Variants in ADPGK observed in about 807,000 individuals in gnomAD.
The protein encoded by ADPGK is ADP-dependent glucokinase.
A neutral mutation model predicts 42.4 loss-of-function variants in ADPGK; 26 were observed. The observed-to-expected ratio is 0.61, with a 90% CI of 0.45 to 0.85. ADPGK has a LOEUF of 0.85. Among genes scored for constraint, ADPGK ranks in the 40% least tolerant of loss-of-function variants. ADPGK has a pLI of 0.00. For synonymous variants in ADPGK, 267 were observed against 252.6 expected (o/e 1.06, Z -0.54); for missense variants, 571 against 627.0 (o/e 0.91, Z 0.95).
chr15:72,776,790 GATTCATGTTTTGA>G (rs1431760214), intron 1 of ADPGK, among the ~76,000 whole-genome samples: 1 of 152,130 alleles, frequency 6.6e-6, no homozygotes, highest in Non-Finnish European at 1.5e-5. Flanking sequence ...TTCCCCTAGG[GATTCATGTTTTGA>G]AAGGAGTTTT....
rs575356562 is a variant in ADPGK at position 72,781,261 on chromosome 15, C to T, written c.233+2198G>A. Among the ~76,000 whole-genome samples the T allele has an allele frequency of 2.0e-3, 305 of 152,322 alleles. 2 individuals carry two copies. Among genetic ancestry groups the T allele is most frequent in the Admixed American group, 4.8e-3 (74 of 15,308 alleles). On this transcript the variant is annotated intron_variant, in intron 1 of 6. Coordinates refer to ENST00000456471, the MANE Select transcript of ADPGK (RefSeq NM_001365225.1). ...ATTCCCACCAATTCTCAACAAAGAA[C>T]TTGTCATCAGTTAACTACTTACAAA...
At chr15:72,782,549 C>A (rs11633022) in intron 1 of ADPGK, among the ~76,000 whole-genome samples, 70,579 of 117,764 alleles carry the variant, frequency 0.6, 20,509 homozygotes, top group Middle Eastern at 0.71. Flanking sequence ...AAAAAAAAAA[C>A]CCCAAAATTA....
intron 3 of ADPGK, among the ~76,000 whole-genome samples, chr15:72,763,083 G>A (rs2066215074): frequency 6.6e-6 from 1 of 152,180 alleles, no homozygotes; most frequent in African/African-American, 2.4e-5. Flanking sequence ...ATCACCAGCA[G>A]ACTCGCACCA....
chr15:72,759,718 G>C (rs1330958121), intron 4 of ADPGK, among the ~76,000 whole-genome samples: 3 of 152,204 alleles, frequency 2.0e-5, no homozygotes, highest in African/African-American at 7.2e-5. Context: ...TCAAGAGTCT[G>C]AGTTCTGAGC....
intron 6 of ADPGK, among the ~76,000 whole-genome samples, chr15:72,754,025 G>A (rs2066080053): frequency 6.6e-6 from 1 of 151,488 alleles, no homozygotes; most frequent in Non-Finnish European, 1.5e-5. Flanking sequence ...GAAGTATATG[G>A]GAACTCTCTT....
At chr15:72,758,880 G>C (rs1364791216) in intron 4 of ADPGK, among the ~76,000 whole-genome samples, 1 of 152,138 alleles carries the variant, frequency 6.6e-6, no homozygotes, top group African/African-American at 2.4e-5. Flanking sequence ...TACCTCAGGG[G>C]CTCATCTTTA....
chr15:72,776,903 C>T (rs1261898706), intron 1 of ADPGK, among the ~76,000 whole-genome samples: 2 of 152,186 alleles, frequency 1.3e-5, no homozygotes, highest in African/African-American at 4.8e-5. Flanking sequence ...CTAAGATTTA[C>T]TATGCCTTTC....
intron 2 of ADPGK, 133 bp from the exon 3 acceptor site, chr15:72,771,978 GAC>G (rs1373772530): frequency 3.4e-6 from 2 of 587,538 alleles, no homozygotes; most frequent in Non-Finnish European, 5.4e-6. Flanking sequence ...TACATCAAAG[GAC>G]ACACAGATGA....
chr15:72,757,811 T>A (rs1165092517), intron 4 of ADPGK: 1 of 352,120 alleles, frequency 2.8e-6, no homozygotes, highest in Non-Finnish European at 5.3e-6. Context: ...AACCCTTGAA[T>A]AGTGACACTG....
intron 1 of ADPGK, among the ~76,000 whole-genome samples, chr15:72,781,427 TCA>T (rs1566967416): frequency 6.6e-6 from 1 of 152,206 alleles, no homozygotes; most frequent in Non-Finnish European, 1.5e-5. Flanking sequence ...ATGTACTTTT[TCA>T]CATTTGGTTC....
At position 72,752,406 on chromosome 15, in the gene ADPGK, C is replaced by G; in HGVS notation, c.1429G>C (p.Val477Leu). The G allele has an allele frequency of 6.2e-7, 1 of 1,614,244 alleles. No homozygotes were observed. Among genetic ancestry groups the G allele is most frequent in the Non-Finnish European group, 8.5e-7 (1 of 1,180,040 alleles). Reference sequence around the variant, plus strand: ...GCTGAAATGGCATCTCCAAGGCCTACAGTTCGAATGGGGTCTTTACACACC... The same window carrying G: ...GCTGAAATGGCATCTCCAAGGCCTAGAGTTCGAATGGGGTCTTTACACACC... ...VLVCKDPIRT[V>L]GLGDAISAEG... The change falls in exon 7 of 7, where the codon GTA (valine) becomes CTA (leucine). Residue 477 changes from valine (V) to leucine (L), a missense_variant. Val to Leu is a conservative substitution (Grantham distance 32). Transcript: ENST00000456471.
At chr15:72,767,215 G>A (rs2066271592) in intron 3 of ADPGK, among the ~76,000 whole-genome samples, 1 of 151,976 alleles carries the variant, frequency 6.6e-6, no homozygotes, top group South Asian at 2.1e-4. Flanking sequence ...AATGATAAAG[G>A]AATTAATTCA....
rs775022831 is a variant in ADPGK at position 72,758,198 on chromosome 15, G to C, written c.644-1751C>G. 3 of 1,432,466 alleles carry C rather than the reference G, an allele frequency of 2.1e-6. No homozygotes were observed. In the African/African-American group the frequency reaches 4.2e-5, roughly 20 times the overall value. 88.7% of individuals were successfully genotyped at this position (1,432,466 alleles called of 1,614,324 possible). ...CTCCAGCATATTCATGGCCCCGTTG[G>C]AGAGGCCATGCAGGGGGCAGATGCA... is the stretch of plus-strand genomic sequence containing the variant. On this transcript the variant is annotated intron_variant, in intron 4 of 6. Transcript: ENST00000456471.
chr15:72,783,413 A>G, intron 1 of ADPGK, 46 bp downstream of exon 1: 1 of 1,324,342 alleles, frequency 7.6e-7, no homozygotes, highest in Non-Finnish European at 9.6e-7. Flanking sequence ...CCGACCTCCA[A>G]GGCCGACCTC....
At chr15:72,777,225 A>G (rs1390565646) in intron 1 of ADPGK, among the ~76,000 whole-genome samples, 1 of 152,228 alleles carries the variant, frequency 6.6e-6, no homozygotes, top group Non-Finnish European at 1.5e-5. Context: ...TGTAGCTCTC[A>G]GACGCCAGTA....
At chr15:72,754,953 A>G (rs2066092865) in intron 6 of ADPGK, among the ~76,000 whole-genome samples, 1 of 152,136 alleles carries the variant, frequency 6.6e-6, no homozygotes, top group African/African-American at 2.4e-5. Context: ...TAGAAGGGAG[A>G]CTTCATTGTA....
In ADPGK at chr15:72,783,523, A is replaced by G. The variant is rs1472970186; in HGVS notation, c.169T>C (p.Leu57=). 6.8e-7 allele frequency: 1 copy of G among 1,477,412 alleles called. No individual in the cohort carries two copies. The highest frequency in any genetic ancestry group is 2.4e-5 in the Admixed American group (1 of 42,396). 91.5% of individuals were successfully genotyped at this position (1,477,412 alleles called of 1,614,324 possible). Residue 57 remains leucine (L), a synonymous_variant, in exon 1 of 7, where the codon TTG becomes CTG. Transcript: ENST00000456471. ...ATAAGCGCGTCCCAGGCTGCCGCCA[A>G]CCGGCCCTCGGGGGAGACGGGTCCC... ...PPGPVSPEGR[L]AAAWDALIVR... is the part of the protein sequence containing the mutation.
intron 3 of ADPGK, among the ~76,000 whole-genome samples, chr15:72,771,097 A>C (rs1377940337): frequency 6.6e-6 from 1 of 152,198 alleles, no homozygotes; most frequent in Non-Finnish European, 1.5e-5. Context: ...TCCAAACCTT[A>C]ATCATTATAC....
intron 4 of ADPGK, chr15:72,758,322 C>G: frequency 1.5e-6 from 1 of 661,180 alleles, no homozygotes; most frequent in Non-Finnish European, 2.8e-6. Context: ...ATGTATCATC[C>G]TGCCCTCAGC....
Sources: gnomAD v4.1 joint callset for allele counts (sites outside exome capture counted in the v4.1 genomes callset) on GRCh38, gnomAD v4.1.1 for gene constraint, MANE v1.5 for transcripts, NCBI Gene and HGNC (gene_info 2026-07-23, HGNC 2026-07-21) for gene names.